RORA: variants seen among roughly 807,000 people sequenced by gnomAD.
RORA encodes RAR related orphan receptor A.
RORA carries 7 observed loss-of-function variants against 69.5 expected under a neutral mutation model. That is an observed-to-expected ratio of 0.10 (90% CI 0.06 to 0.19). RORA has a LOEUF of 0.19. Among genes scored for constraint, RORA ranks in the 10% least tolerant of loss-of-function variants. The pLI is 1.00. For missense variants in RORA, 457 were observed against 663.0 expected (o/e 0.69, Z 3.41); for synonymous variants, 261 against 240.8 (o/e 1.08, Z -0.78).
chr15:60,624,865 G>A (rs1452301533), intron 2 of RORA, among the ~76,000 whole-genome samples: 5 of 152,034 alleles, frequency 3.3e-5, no homozygotes, highest in Non-Finnish European at 4.4e-5. Flanking sequence ...TGTAAATACT[G>A]AGCATTAGCA....
In RORA at chr15:60,543,202, T is replaced by G. The variant is rs1311939561; in HGVS notation, c.197-11351A>C. On this transcript the variant is annotated intron_variant, in intron 2 of 10. Transcript: ENST00000335670. ...TTTTTTTTTTTTTTTTTTTTTTTTTTTTTTTTTTTTAAGGAAAAAGGAGAG... is the reference window on the plus strand; with the variant it reads ...TTTTTTTTTTTTTTTTTTTTTTTTTGTTTTTTTTTTAAGGAAAAAGGAGAG... Among the ~76,000 whole-genome samples, 25 of 30,900 alleles carry G rather than the reference T, an allele frequency of 8.1e-4. 2 individuals carry two copies. The South Asian group carries it at 0.023, about 29-fold the overall frequency. 20.3% of individuals were successfully genotyped at this position (30,900 alleles called of 152,430 possible).
chr15:60,870,059 G>T (rs574884449), intron 1 of RORA, among the ~76,000 whole-genome samples: 2 of 152,150 alleles, frequency 1.3e-5, no homozygotes, highest in Non-Finnish European at 2.9e-5. Flanking sequence ...TGCAACAATG[G>T]TATAAGAATT....
chr15:60,777,167 A>C (rs765957745), intron 1 of RORA, among the ~76,000 whole-genome samples: 2 of 152,280 alleles, frequency 1.3e-5, no homozygotes, highest in Non-Finnish European at 2.9e-5. Context: ...ATAACTATGC[A>C]GAAACAAAGC....
At chr15:60,799,731 C>T (rs950574321) in intron 1 of RORA, among the ~76,000 whole-genome samples, 2 of 152,064 alleles carry the variant, frequency 1.3e-5, no homozygotes, top group African/African-American at 4.8e-5. Flanking sequence ...CTTTCCCCTG[C>T]AATCTGATGT....
At chr15:61,066,879 C>CAAAAAAAA (rs33936803) in intron 1 of RORA, among the ~76,000 whole-genome samples, 16 of 71,286 alleles carry the variant, frequency 2.2e-4, no homozygotes, top group East Asian at 5.3e-4. Context: ...TTCATAAGAC[C>CAAAAAAAA]AAAAAAAAAA....
intron 2 of RORA, among the ~76,000 whole-genome samples, chr15:60,673,403 C>T (rs1287412798): frequency 6.6e-6 from 1 of 152,176 alleles, no homozygotes; most frequent in Non-Finnish European, 1.5e-5. Context: ...CAGGCTGACT[C>T]TAAACAAGGC....
At chr15:60,693,017 A>G (rs957686993) in intron 1 of RORA, among the ~76,000 whole-genome samples, 1 of 152,228 alleles carries the variant, frequency 6.6e-6, no homozygotes, top group Non-Finnish European at 1.5e-5. Context: ...CTTCAGGCCA[A>G]TATCCCTGAT....
At chr15:60,932,761 C>T (rs969950979) in intron 1 of RORA, among the ~76,000 whole-genome samples, 17 of 152,180 alleles carry the variant, frequency 1.1e-4, no homozygotes, top group Admixed American at 3.3e-4. Flanking sequence ...CCAAGACTCC[C>T]TGGCATTGTT....
intron 1 of RORA, among the ~76,000 whole-genome samples, chr15:61,227,180 A>G (rs1158138844): frequency 1.4e-5 from 2 of 144,018 alleles, no homozygotes; most frequent in East Asian, 2.1e-4. Context: ...AAATTAGTGC[A>G]GCTTCCTAAA....
chr15:60,606,820 T>C (rs1596048827), intron 2 of RORA, among the ~76,000 whole-genome samples: 2 of 98,886 alleles, frequency 2.0e-5, no homozygotes, highest in African/African-American at 8.8e-5. Flanking sequence ...ATCTCTCACA[T>C]GAAAGCCTTG....
chr15:61,130,500 T>C (rs943158312), intron 1 of RORA, among the ~76,000 whole-genome samples: 5 of 152,232 alleles, frequency 3.3e-5, no homozygotes, highest in African/African-American at 9.6e-5. Flanking sequence ...TGAGATGTTT[T>C]GGCAGGAAGG....
At chr15:60,871,590 G>A (rs2073556698) in intron 1 of RORA, among the ~76,000 whole-genome samples, 1 of 152,144 alleles carries the variant, frequency 6.6e-6, no homozygotes, top group South Asian at 2.1e-4. Context: ...GGGTTGATGA[G>A]GGAAATATTG....
intron 1 of RORA, among the ~76,000 whole-genome samples, chr15:61,109,326 A>C (rs1025659002): frequency 6.6e-6 from 1 of 152,218 alleles, no homozygotes; most frequent in Non-Finnish European, 1.5e-5. Flanking sequence ...AGTCCTTGGA[A>C]CTTAGAACAG....
At chr15:61,137,082 A>AGAAAGAAAGAAAGAAAGAAG (rs2079251257) in intron 1 of RORA, among the ~76,000 whole-genome samples, 2 of 149,390 alleles carry the variant, frequency 1.3e-5, no homozygotes, top group East Asian at 3.9e-4. Context: ...AAAGAAAGAA[A>AGAAAGAAAGAAAGAAAGAAG]GAAAGAAAGA....
At chr15:60,759,781 A>G (rs2071858444) in intron 1 of RORA, among the ~76,000 whole-genome samples, 1 of 152,134 alleles carries the variant, frequency 6.6e-6, no homozygotes, top group South Asian at 2.1e-4. Context: ...TTTCCCAAGT[A>G]TTATCTTGCC....
intron 2 of RORA, among the ~76,000 whole-genome samples, chr15:60,620,365 A>C (rs1185875441): frequency 6.6e-6 from 1 of 152,224 alleles, no homozygotes; most frequent in Non-Finnish European, 1.5e-5. Context: ...CATCCAAAAA[A>C]TTGAAATCAT....
Position 60,531,908 on chromosome 15 carries a change from G to A in RORA, c.197-57C>T. 4 of 1,007,370 alleles carry A rather than the reference G, an allele frequency of 4.0e-6. No individual in the cohort carries two copies. The highest frequency in any genetic ancestry group is 2.9e-5 in the South Asian group (2 of 69,900). The allele number at this position is 1,007,370 out of a possible 1,614,324, so 62.4% of individuals were successfully genotyped here. ...ATTTTCTTTTAAACACCTTATAAAAGCGTTCCCTGATCAGCATTTGTATAG... is the reference window on the plus strand; with the variant it reads ...ATTTTCTTTTAAACACCTTATAAAAACGTTCCCTGATCAGCATTTGTATAG... On this transcript the variant is annotated intron_variant, in intron 2 of 10. Coordinates refer to ENST00000335670, the MANE Select transcript of RORA (RefSeq NM_134261.3). This position sits in a 1 kb window ranked among gnomAD's most constrained non-coding sequence, Gnocchi z 4.8.
At chr15:61,105,221 T>C (rs1359794670) in intron 1 of RORA, among the ~76,000 whole-genome samples, 1 of 152,168 alleles carries the variant, frequency 6.6e-6, no homozygotes, top group Admixed American at 6.5e-5. Flanking sequence ...TAATGAAGCA[T>C]GTTCCATACT....
chr15:61,114,404 G>C (rs1417338205), intron 1 of RORA, among the ~76,000 whole-genome samples: 1 of 152,148 alleles, frequency 6.6e-6, no homozygotes, highest in Non-Finnish European at 1.5e-5. Context: ...ATGAAAAACA[G>C]GGGAGTGGGG....
Sources: allele counts gnomAD v4.1 joint callset (sites outside exome capture counted in the v4.1 genomes callset), GRCh38; gene constraint gnomAD v4.1.1; non-coding constraint Gnocchi (gnomAD v3.1); transcripts MANE v1.5; gene names NCBI Gene and HGNC (gene_info 2026-07-23, HGNC 2026-07-21).